Variants in MEIS1 observed in about 807,000 individuals in gnomAD.
MEIS1 encodes the protein Meis homeobox 1.
Under a neutral mutation model 50.8 loss-of-function variants are expected in MEIS1, and 5 were observed. The observed-to-expected ratio is 0.10, with a 90% CI of 0.05 to 0.21. The LOEUF is 0.21. MEIS1 is among the 10% of genes least tolerant of loss of function. The probability of loss-of-function intolerance (pLI) is 1.00; values close to 1 mark genes in which losing one functional copy is unlikely to be tolerated. For synonymous variants in MEIS1, 176 were observed against 179.3 expected, an observed-to-expected ratio of 0.98 and a Z score of 0.15; for missense variants, 318 against 517.3, an observed-to-expected ratio of 0.61 and a Z score of 3.74.
At chr2:66,487,368 A>C (rs1673167747) in intron 7 of MEIS1, among the ~76,000 whole-genome samples, 1 of 152,206 alleles carries the variant, frequency 6.6e-6, no homozygotes, top group Non-Finnish European at 1.5e-5. Flanking sequence ...ACATGGATAC[A>C]CACACATATA....
chr2:66,498,186 G>C (rs566658836), intron 7 of MEIS1, among the ~76,000 whole-genome samples: 4 of 152,084 alleles, frequency 2.6e-5, no homozygotes, highest in Non-Finnish European at 5.9e-5. Flanking sequence ...GTACTCACTA[G>C]CAAAACAAAC....
chr2:66,550,855 G>C (rs1202409073), intron 9 of MEIS1, among the ~76,000 whole-genome samples: 1 of 152,058 alleles, frequency 6.6e-6, no homozygotes, highest in Non-Finnish European at 1.5e-5. Context: ...ATCGGTACAA[G>C]TTATTTTCTA....
chr2:66,560,802 CT>C (rs1675194411), intron 9 of MEIS1, among the ~76,000 whole-genome samples: 1 of 152,038 alleles, frequency 6.6e-6, no homozygotes, highest in African/African-American at 2.4e-5. Flanking sequence ...GAGGTGCTCC[CT>C]TTTCCCCTCC....
chr2:66,473,397 A>AAAAATATATATATATATATATAT, intron 7 of MEIS1, among the ~76,000 whole-genome samples: 3 of 107,614 alleles, frequency 2.8e-5, no homozygotes, highest in African/African-American at 1.2e-4. Flanking sequence ...AAAAAAAAAA[A>AAAAATATATATATATATATATAT]ATATATATAT....
chr2:66,558,203 C>T (rs1675117478), intron 9 of MEIS1, among the ~76,000 whole-genome samples: 1 of 131,402 alleles, frequency 7.6e-6, no homozygotes, highest in Non-Finnish European at 1.5e-5. Context: ...CGCTTGAACG[C>T]ATAAGGCAGA....
Position 66,512,227 on chromosome 2 carries a change from A to G in MEIS1, c.821A>G (p.Lys274Arg). Residue 274 changes from lysine to arginine, a missense_variant, in exon 8 of 13, where the codon AAA (lysine) becomes AGA (arginine). Physicochemically the swap from Lys to Arg is conservative, Grantham distance 26. Transcript: ENST00000272369. ...DDPDKDKKRH[K>R]KRGIFPKVAT... ...CCTGATAAGGACAAAAAGCGTCACA[A>G]AAAGCGTGGCATCTTTCCCAAAGTA... 2 of 1,612,830 alleles carry G rather than the reference A, an allele frequency of 1.2e-6. No individual in the cohort carries two copies. The highest frequency in any genetic ancestry group is 1.7e-6 in the Non-Finnish European group (2 of 1,179,524).
At chr2:66,552,888 A>G (rs1005325105) in intron 9 of MEIS1, among the ~76,000 whole-genome samples, 2 of 152,186 alleles carry the variant, frequency 1.3e-5, no homozygotes, top group African/African-American at 2.4e-5. Flanking sequence ...CTAAAAATCA[A>G]TAGGGGTCAT....
chr2:66,506,140 C>A (rs559074817), intron 7 of MEIS1, among the ~76,000 whole-genome samples: 1 of 152,272 alleles, frequency 6.6e-6, no homozygotes, highest in Admixed American at 6.5e-5. Context: ...CCTTCTCAGA[C>A]CCTGTAGTCA....
At chr2:66,499,851 C>T (rs1673504834) in intron 7 of MEIS1, among the ~76,000 whole-genome samples, 1 of 152,124 alleles carries the variant, frequency 6.6e-6, no homozygotes, top group South Asian at 2.1e-4. Flanking sequence ...CTATACATAA[C>T]TCTCTCATAT....
intron 7 of MEIS1, among the ~76,000 whole-genome samples, chr2:66,466,899 A>G (rs1672649751): frequency 6.6e-6 from 1 of 151,048 alleles, no homozygotes; most frequent in Admixed American, 6.6e-5. Context: ...TTTTTTCCTC[A>G]TTCCTTTTCC....
chr2:66,519,712 T>C (rs1674065451), intron 8 of MEIS1, among the ~76,000 whole-genome samples: 1 of 152,174 alleles, frequency 6.6e-6, no homozygotes, highest in Non-Finnish European at 1.5e-5. Context: ...AAAGAAAAGG[T>C]AGACCTTAAA....
chr2:66,552,755 T>G (rs879879991), intron 9 of MEIS1, among the ~76,000 whole-genome samples: 2 of 152,196 alleles, frequency 1.3e-5, no homozygotes, highest in Non-Finnish European at 2.9e-5. Flanking sequence ...TCAAGTTTCT[T>G]TCTGAGTTAT....
chr2:66,516,191 C>T (rs7571657), intron 8 of MEIS1, among the ~76,000 whole-genome samples: 4,503 of 152,136 alleles, frequency 0.03, 213 homozygotes, highest in African/African-American at 0.1. Context: ...AATAGAAAAG[C>T]GCTTAATGTG....
intron 6 of MEIS1, among the ~76,000 whole-genome samples, chr2:66,452,867 T>C (rs1476623565): frequency 1.3e-5 from 2 of 151,944 alleles, no homozygotes; most frequent in African/African-American, 4.8e-5. Context: ...TCTGAGTTAT[T>C]ATGTCCCGTA....
At chr2:66,450,098 T>TAA (rs1385473789) in intron 6 of MEIS1, among the ~76,000 whole-genome samples, 7 of 152,206 alleles carry the variant, frequency 4.6e-5, no homozygotes, top group Non-Finnish European at 8.8e-5. Flanking sequence ...AGATATAAAG[T>TAA]AACCATATTA....
At chr2:66,462,207 G>T (rs73937918) in intron 6 of MEIS1, among the ~76,000 whole-genome samples, 167 of 152,246 alleles carry the variant, frequency 1.1e-3, no homozygotes, top group African/African-American at 3.9e-3. Flanking sequence ...TAACAAACAT[G>T]CTTCTGATGA....
chr2:66,491,845 C>CTTA (rs1673281923), intron 7 of MEIS1, among the ~76,000 whole-genome samples: 1 of 151,988 alleles, frequency 6.6e-6, no homozygotes, highest in Non-Finnish European at 1.5e-5. Context: ...CTCTTCCCTG[C>CTTA]TTATTGCATG....
At chr2:66,440,364 C>T in intron 3 of MEIS1, 198 bp from the exon 4 acceptor site, 1 of 625,266 alleles carries the variant, frequency 1.6e-6, no homozygotes, top group Non-Finnish European at 2.8e-6. Context: ...GAGCTCTGGG[C>T]TTGTTTTCAG....
At chr2:66,527,500 T>C (rs1305766126) in intron 8 of MEIS1, among the ~76,000 whole-genome samples, 1 of 152,078 alleles carries the variant, frequency 6.6e-6, no homozygotes, top group Admixed American at 6.6e-5. Context: ...ACAACTGCTG[T>C]ATGGTCAACC....
Sources: gnomAD v4.1 joint callset for allele counts (sites outside exome capture counted in the v4.1 genomes callset) on GRCh38, gnomAD v4.1.1 for gene constraint, MANE v1.5 for transcripts, NCBI Gene and HGNC (gene_info 2026-07-23, HGNC 2026-07-21) for gene names.